RNF43: variants seen among roughly 807,000 people sequenced by gnomAD.
RNF43 encodes the protein ring finger protein 43, also known as E3 ubiquitin-protein ligase RNF43.
RNF43 carries 37 observed loss-of-function variants against 78.4 expected under a neutral mutation model. That is an observed-to-expected ratio of 0.47 (90% confidence interval 0.36 to 0.62). The LOEUF is 0.62. Among genes scored for constraint, RNF43 ranks in the 20% least tolerant of loss-of-function variants. The pLI is 0.00. For missense variants in RNF43, 774 were observed against 1,007.9 expected (o/e 0.77, Z 3.14); for synonymous variants, 347 against 395.0 (o/e 0.88, Z 1.44).
At position 58,358,508 on chromosome 17, in the gene RNF43, G is replaced by T. The variant is rs1375163961; in HGVS notation, c.1268C>A (p.Ser423Tyr). The change falls in exon 9 of 10, where the codon TCC (serine) becomes TAC (tyrosine). Residue 423 changes from serine (S) to tyrosine (Y), a missense_variant. Transcript: ENST00000407977. The surrounding 1 kb of genome is among the most constrained non-coding windows in gnomAD (Gnocchi z 6.2). ...AQGWGLSHLQ[S>Y]TSQHPAACPV... Reference sequence around the variant, plus strand: ...GCAAGCAGCAGGGTGCTGTGAGGTGGATTGGAGGTGGCTCAGTCCCCAGCC... The same window carrying T: ...GCAAGCAGCAGGGTGCTGTGAGGTGTATTGGAGGTGGCTCAGTCCCCAGCC... 2 of 1,613,718 alleles carry T rather than the reference G, an allele frequency of 1.2e-6. No homozygotes were observed. The highest frequency in any genetic ancestry group is 1.3e-5 in the African/African-American group (1 of 75,052).
intron 2 of RNF43, among the ~76,000 whole-genome samples, chr17:58,400,724 T>C (rs1295319872): frequency 6.6e-6 from 1 of 152,188 alleles, no homozygotes; most frequent in Non-Finnish European, 1.5e-5. Context: ...TATGCCTTAT[T>C]ATCATATTAT....
chr17:58,354,783 C>T lies in RNF43; in HGVS notation c.*160G>A. The T allele has an allele frequency of 1.4e-6, 1 of 694,986 alleles. No individual in the cohort carries two copies. Among genetic ancestry groups the T allele is most frequent in the Non-Finnish European group, 2.6e-6 (1 of 385,298 alleles). The allele number at this position is 694,986 out of a possible 1,614,324, so 43.1% of individuals were successfully genotyped here. A position where few individuals can be genotyped will look rare whatever the true frequency, so the allele number is the denominator to read the frequency against. On this transcript the variant is annotated 3_prime_UTR_variant, in exon 10 of 10. Coordinates refer to ENST00000407977, the MANE Select transcript of RNF43 (RefSeq NM_017763.6). ...TGGAGCAGGAAACGGCACCCTCTCA[C>T]CCTCCACCATCACCAGTCCTCTTCC...
Position 58,405,165 on chromosome 17 carries a change from C to T in RNF43, c.252+10161G>A, listed in dbSNP as rs369684319. The stretch of plus-strand genomic sequence containing the variant: ...CCATCTCGGCTCACTGCAAGCTCCA[C>T]CTCCCGGGTTCATGCCATTCTCCTG... On this transcript the variant is annotated intron_variant, in intron 2 of 9. Coordinates refer to ENST00000407977, the MANE Select transcript of RNF43 (RefSeq NM_017763.6). 2.3e-3 allele frequency among the ~76,000 whole-genome samples: 352 copies of T among 150,082 alleles called. 6 individuals are homozygous for T. Among genetic ancestry groups the T allele is most frequent in the African/African-American group, 8.2e-3 (333 of 40,798 alleles).
Position 58,354,928 on chromosome 17 carries a change from C to G in RNF43, c.*15G>C. 6.2e-7 allele frequency: 1 copy of G among 1,613,688 alleles called. No individual in the cohort carries two copies. Among genetic ancestry groups the G allele is most frequent in the South Asian group, 1.1e-5 (1 of 91,066 alleles). On this transcript the variant is annotated 3_prime_UTR_variant, in exon 10 of 10. Transcript: ENST00000407977. Reference sequence around the variant, plus strand: ...ATCTGGAGCACACTCTTGGTTGGAGCTAGGCCTGAACATCTCACACAGCCT... The same window carrying G: ...ATCTGGAGCACACTCTTGGTTGGAGGTAGGCCTGAACATCTCACACAGCCT...
chr17:58,362,797 G>A, intron 5 of RNF43, 149 bp from the exon 6 acceptor site: 1 of 571,040 alleles, frequency 1.8e-6, no homozygotes, highest in Non-Finnish European at 3.1e-6. Context: ...CCTGCAAGTG[G>A]GATTAGGTGG....
At chr17:58,365,112 G>T (rs1276375375) in intron 3 of RNF43, among the ~76,000 whole-genome samples, 1 of 152,240 alleles carries the variant, frequency 6.6e-6, no homozygotes, top group Non-Finnish European at 1.5e-5. Context: ...TGGAAGTGCT[G>T]AAGGAGTTGA....
intron 3 of RNF43, among the ~76,000 whole-genome samples, chr17:58,369,537 C>T (rs1973036370): frequency 6.6e-6 from 1 of 152,362 alleles, no homozygotes; most frequent in Middle Eastern, 3.4e-3. Flanking sequence ...TCCTCTCTCA[C>T]CACCCTTGGG....
chr17:58,368,923 G>A (rs1973015417), intron 3 of RNF43, among the ~76,000 whole-genome samples: 1 of 152,128 alleles, frequency 6.6e-6, no homozygotes, highest in Non-Finnish European at 1.5e-5. Flanking sequence ...ACAGGCAAAG[G>A]TCTAGAGGTC....
intron 2 of RNF43, among the ~76,000 whole-genome samples, chr17:58,413,197 A>G (rs2632510): frequency 0.017 from 2,626 of 152,292 alleles, 80 homozygotes; most frequent in African/African-American, 0.058. Context: ...AGTGTAAACC[A>G]TGTGTCCCTA....
At chr17:58,366,392 A>G (rs1972950044) in intron 3 of RNF43, among the ~76,000 whole-genome samples, 1 of 152,206 alleles carries the variant, frequency 6.6e-6, no homozygotes, top group African/African-American at 2.4e-5. Flanking sequence ...TGGACTTAGC[A>G]GAAGATGGTG....
chr17:58,386,347 C>G (rs930731378), intron 2 of RNF43, among the ~76,000 whole-genome samples: 1 of 150,088 alleles, frequency 6.7e-6, no homozygotes, highest in Admixed American at 6.6e-5. Flanking sequence ...AATCGCTTGA[C>G]CCCAAGAAGT....
At chr17:58,370,054 A>T (rs1598140074) in intron 3 of RNF43, among the ~76,000 whole-genome samples, 1 of 141,726 alleles carries the variant, frequency 7.1e-6, no homozygotes, top group African/African-American at 2.6e-5. Flanking sequence ...GAAGCTGAAA[A>T]TCTGAGTTTT....
chr17:58,380,804 A>G (rs1320226518), intron 2 of RNF43, among the ~76,000 whole-genome samples: 1 of 152,238 alleles, frequency 6.6e-6, no homozygotes, highest in South Asian at 2.1e-4. Context: ...CACATAGTCC[A>G]GGTCTTTCAG....
Position 58,362,639 on chromosome 17 carries a change from C to CATA in RNF43, c.589_591dup (p.Tyr197dup). On this transcript the variant is annotated inframe_insertion, in exon 6 of 10. Transcript: ENST00000407977. ...ACCACTGTCATTAGGATCCACACAT[C>CATA]ATAATCTGGCTGGGGAGTGAGCAGA... The CATA allele has an allele frequency of 6.2e-7, 1 of 1,610,348 alleles. No homozygotes were observed. Among genetic ancestry groups the CATA allele is most frequent in the Non-Finnish European group, 8.5e-7 (1 of 1,178,172 alleles).
chr17:58,356,824 G>C (rs1972692519), intron 9 of RNF43, among the ~76,000 whole-genome samples: 17 of 149,288 alleles, frequency 1.1e-4, no homozygotes, highest in Admixed American at 1.1e-3. Context: ...AACTAAACCA[G>C]TTATTAAAAT....
intron 2 of RNF43, among the ~76,000 whole-genome samples, chr17:58,392,210 T>C (rs1973575117): frequency 6.6e-6 from 1 of 152,184 alleles, no homozygotes; most frequent in African/African-American, 2.4e-5. Context: ...ACTTCAAAAA[T>C]AATAGTGGAT....
Position 58,358,327 on chromosome 17 carries a change from C to T in RNF43, c.1449G>A (p.Thr483=), listed in dbSNP as rs370015542. 40 of 1,614,058 alleles carry T rather than the reference C, an allele frequency of 2.5e-5. No homozygotes were observed. In the African/African-American group the frequency reaches 2.8e-4, roughly 11 times the overall value. ...GSSSDSVVNC[T]DISLQGVHGS... is the part of the protein sequence containing the mutation. ...CATGGACCCCCTGTAGGCTGATGTC[C>T]GTGCAGTTGACCACAGAGTCACTGG... The change falls in exon 9 of 10, where the codon ACG becomes ACA. Residue 483 remains threonine (T), a synonymous_variant. Transcript: ENST00000407977. This position sits in a 1 kb window ranked among gnomAD's most constrained non-coding sequence, Gnocchi z 6.2.
intron 2 of RNF43, among the ~76,000 whole-genome samples, chr17:58,406,211 T>C (rs2143662516): frequency 6.6e-6 from 1 of 152,360 alleles, no homozygotes; most frequent in African/African-American, 2.4e-5. Flanking sequence ...CCTGCGGCAG[T>C]CTATATCTTC....
In RNF43 at chr17:58,358,025, C is replaced by G. The variant is rs372159496; in HGVS notation, c.1751G>C (p.Arg584Pro). Residue 584 changes from arginine to proline, a missense_variant, in exon 9 of 10, where the codon CGG becomes CCG. Transcript: ENST00000407977. The surrounding 1 kb of genome is among the most constrained non-coding windows in gnomAD (Gnocchi z 6.2). ...GVPQSRPPIP[R>P]TQPQPEPPSP... ...AGGTGGCTCTGGCTGGGGCTGTGTC[C>G]GAGGAATAGGAGGCCTGGACTGGGG... 1 of 1,592,148 alleles carries G rather than the reference C, an allele frequency of 6.3e-7. No individual in the cohort carries two copies. Among genetic ancestry groups the G allele is most frequent in the Non-Finnish European group, 8.5e-7 (1 of 1,169,696 alleles).
Sources: gnomAD v4.1 joint callset for allele counts (sites outside exome capture counted in the v4.1 genomes callset) on GRCh38, gnomAD v4.1.1 for gene constraint, Gnocchi (gnomAD v3.1) non-coding constraint, MANE v1.5 for transcripts, NCBI Gene and HGNC (gene_info 2026-07-23, HGNC 2026-07-21) for gene names.